Variants in CTBP2 observed in about 807,000 individuals in gnomAD.
The protein encoded by CTBP2 is C-terminal-binding protein 2.
A neutral mutation model predicts 80.3 loss-of-function variants in CTBP2; 30 were observed. The ratio of observed to expected loss-of-function variants is 0.37; its 90% CI spans 0.28 to 0.51. The LOEUF (loss-of-function observed/expected upper bound fraction) is 0.51. Ranked by LOEUF, CTBP2 falls within the 20% of genes least tolerant of loss-of-function variation. The pLI, the probability that CTBP2 is intolerant of heterozygous loss-of-function variation, is 0.93. For synonymous variants in CTBP2, 594 were observed against 587.4 expected (o/e 1.01, Z -0.16); for missense variants, 1,212 against 1,375.3 (o/e 0.88, Z 1.88).
chr10:125,016,263 C>T (rs879755241), intron 1 of CTBP2, among the ~76,000 whole-genome samples: 9 of 152,132 alleles, frequency 5.9e-5, no homozygotes, highest in Non-Finnish European at 1.0e-4. Flanking sequence ...GAACCTGCAG[C>T]GAGCCGAGTG....
intron 1 of CTBP2, among the ~76,000 whole-genome samples, chr10:125,129,298 C>A (rs768152466): frequency 9.9e-5 from 15 of 152,084 alleles, no homozygotes; most frequent in Non-Finnish European, 1.8e-4. Context: ...CTTGGTAGGG[C>A]TTTGGGGGGT....
At position 125,072,799 on chromosome 10, in the gene CTBP2, G is replaced by C. The variant is rs565702903; in HGVS notation, c.-101-33644C>G. On this transcript the variant is annotated intron_variant, in intron 2 of 10. Transcript: ENST00000337195. ...CTGCAGGTCCCTGGAGCACACACAGGATCTTGTAGCAGGACCTGCAGGCTC... is the reference window on the plus strand; with the variant it reads ...CTGCAGGTCCCTGGAGCACACACAGCATCTTGTAGCAGGACCTGCAGGCTC... Among the ~76,000 whole-genome samples, 469 of 152,208 alleles carry C rather than the reference G, an allele frequency of 3.1e-3. 4 individuals carry two copies. Among genetic ancestry groups the C allele is most frequent in the Non-Finnish European group, 2.2e-3 (150 of 68,008 alleles).
Position 125,003,333 on chromosome 10 carries a change from C to A in CTBP2, c.1833+5G>T. On this transcript the variant is annotated splice_donor_5th_base_variant and intron_variant, in intron 2 of 8. Coordinates refer to ENST00000309035, the MANE Select transcript of CTBP2 (RefSeq NM_022802.3). ...GCAGGCCCCGGCCGGGCAGGGTGGG[C>A]CCACCTTCTCGTGGATTTCCTGCGT... 1.2e-6 allele frequency: 2 copies of A among 1,607,468 alleles called. No homozygotes were observed. The highest frequency in any genetic ancestry group is 1.7e-6 in the Non-Finnish European group (2 of 1,178,764).
At chr10:125,153,270 C>T (rs1429292073) in intron 1 of CTBP2, among the ~76,000 whole-genome samples, 1 of 152,250 alleles carries the variant, frequency 6.6e-6, no homozygotes, top group Non-Finnish European at 1.5e-5. Context: ...GCTGCTGGCG[C>T]TGGCTGTACT....
chr10:125,132,041 T>C (rs1183490266), intron 1 of CTBP2, among the ~76,000 whole-genome samples: 1 of 152,106 alleles, frequency 6.6e-6, no homozygotes, highest in African/African-American at 2.4e-5. Context: ...GCACTCTGGG[T>C]CTCTGAACAC....
intron 2 of CTBP2, among the ~76,000 whole-genome samples, chr10:125,052,442 G>A (rs1304622882): frequency 6.6e-6 from 1 of 152,226 alleles, no homozygotes; most frequent in Non-Finnish European, 1.5e-5. Flanking sequence ...AGACCCAGGA[G>A]GGAATGTTCT....
intron 1 of CTBP2, among the ~76,000 whole-genome samples, chr10:125,119,015 T>C (rs1853852587): frequency 6.6e-6 from 1 of 152,224 alleles, no homozygotes; most frequent in Admixed American, 6.5e-5. Context: ...AGCTGGGGCA[T>C]CCTGGTGTCA....
chr10:125,137,632 A>G (rs965472609), intron 1 of CTBP2, among the ~76,000 whole-genome samples: 2 of 152,242 alleles, frequency 1.3e-5, no homozygotes, highest in Admixed American at 6.5e-5. Context: ...ATAAAATAGA[A>G]TAACTTATTT....
At chr10:125,080,664 A>G (rs1422681963) in intron 2 of CTBP2, among the ~76,000 whole-genome samples, 2 of 152,258 alleles carry the variant, frequency 1.3e-5, no homozygotes, top group Non-Finnish European at 2.9e-5. Context: ...AAATCCATGC[A>G]TACAGCAGCT....
intron 3 of CTBP2, among the ~76,000 whole-genome samples, chr10:125,033,964 A>G (rs1958549509): frequency 2.0e-5 from 3 of 152,130 alleles, no homozygotes; most frequent in Admixed American, 6.5e-5. Flanking sequence ...CCAAACTAGA[A>G]GACGGTGATG....
At chr10:125,003,193 G>A in intron 2 of CTBP2, 89 bp from the exon 5 acceptor site, 2 of 1,595,226 alleles carry the variant, frequency 1.3e-6, no homozygotes, top group South Asian at 2.2e-5. Flanking sequence ...TATCACCCTT[G>A]AACCTGAGGC....
At chr10:125,061,349 G>A (rs1028815697) in intron 2 of CTBP2, among the ~76,000 whole-genome samples, 5 of 152,260 alleles carry the variant, frequency 3.3e-5, no homozygotes, top group Non-Finnish European at 5.9e-5. Context: ...CTGGGCATCC[G>A]GGGCGACACC....
intron 1 of CTBP2, among the ~76,000 whole-genome samples, chr10:125,149,222 C>T (rs932469547): frequency 2.6e-5 from 4 of 152,200 alleles, no homozygotes; most frequent in African/African-American, 9.7e-5. Flanking sequence ...CTGCACGCCG[C>T]AGTCATTCTC....
At chr10:125,135,343 GA>G (rs1187979242) in intron 1 of CTBP2, among the ~76,000 whole-genome samples, 1 of 151,966 alleles carries the variant, frequency 6.6e-6, no homozygotes, top group African/African-American at 2.4e-5. Flanking sequence ...TGAGGGCTCC[GA>G]AAAAAATGTA....
intron 2 of CTBP2, among the ~76,000 whole-genome samples, chr10:125,092,991 G>A (rs1464022741): frequency 3.3e-5 from 5 of 152,188 alleles, no homozygotes; most frequent in South Asian, 4.2e-4. Context: ...AGCCCCAACC[G>A]TTACGTGGTG....
At chr10:125,036,560 G>A (rs1287662076) in intron 3 of CTBP2, among the ~76,000 whole-genome samples, 1 of 152,100 alleles carries the variant, frequency 6.6e-6, no homozygotes, top group East Asian at 1.9e-4. Flanking sequence ...GGTGTAGGCA[G>A]TGGGGAGGGA....
At chr10:125,113,216 T>C (rs1051928801) in intron 1 of CTBP2, among the ~76,000 whole-genome samples, 1 of 152,184 alleles carries the variant, frequency 6.6e-6, no homozygotes, top group Non-Finnish European at 1.5e-5. Context: ...CCCAAGCCTA[T>C]AGTGACACAA....
intron 1 of CTBP2, among the ~76,000 whole-genome samples, chr10:125,111,973 G>T (rs578259440): frequency 1.3e-5 from 2 of 152,022 alleles, no homozygotes; most frequent in Non-Finnish European, 2.9e-5. Flanking sequence ...CGAGCCCCAC[G>T]AGAGAGGGAA....
intron 1 of CTBP2, among the ~76,000 whole-genome samples, chr10:125,156,921 G>A (rs920877508): frequency 1.3e-5 from 2 of 152,142 alleles, no homozygotes; most frequent in Non-Finnish European, 2.9e-5. Context: ...AAGTTTTACC[G>A]TTTCATCTTG....
Sources: allele counts gnomAD v4.1 joint callset (sites outside exome capture counted in the v4.1 genomes callset), GRCh38; gene constraint gnomAD v4.1.1; transcripts MANE v1.5; gene names NCBI Gene and HGNC (gene_info 2026-07-23, HGNC 2026-07-21).